RGS20: variants seen among roughly 807,000 people sequenced by gnomAD.
RGS20 encodes gz-selective GTPase-activating protein.
RGS20 carries 30 observed loss-of-function variants against 33.6 expected under a neutral mutation model. The observed-to-expected ratio is 0.89, with a 90% CI of 0.67 to 1.21. The LOEUF (loss-of-function observed/expected upper bound fraction) is 1.21. Among genes scored for constraint, RGS20 ranks in the 50% most tolerant of loss-of-function variants. The pLI is 0.00. For synonymous variants in RGS20, 208 were observed against 197.9 expected (o/e 1.05, Z -0.43); for missense variants, 472 against 502.4 (o/e 0.94, Z 0.58).
chr8:53,875,108 G>A (rs183944691), intron 1 of RGS20, among the ~76,000 whole-genome samples: 5 of 152,098 alleles, frequency 3.3e-5, no homozygotes, highest in Non-Finnish European at 7.4e-5. Flanking sequence ...GAATAACAAG[G>A]GTTCAGTTTT....
chr8:53,941,578 GACAT>G (rs1485235402), intron 3 of RGS20, among the ~76,000 whole-genome samples: 2 of 152,106 alleles, frequency 1.3e-5, no homozygotes, highest in Non-Finnish European at 2.9e-5. Flanking sequence ...TCATGTCAAT[GACAT>G]ACAATCAAAT....
chr8:53,882,103 C>A (rs1189848503), intron 2 of RGS20, among the ~76,000 whole-genome samples: 1 of 151,994 alleles, frequency 6.6e-6, no homozygotes, highest in African/African-American at 2.4e-5. Context: ...ACACCCAGCT[C>A]GGGCGGAGGA....
At chr8:53,923,292 T>A (rs548375692) in intron 2 of RGS20, among the ~76,000 whole-genome samples, 14 of 151,782 alleles carry the variant, frequency 9.2e-5, no homozygotes, top group Non-Finnish European at 1.8e-4. Flanking sequence ...ACGTATAGAG[T>A]TTCTTCTTTA....
chr8:53,880,893 C>G lies in RGS20; in HGVS notation c.510+1291C>G. On this transcript the variant is annotated intron_variant, in intron 2 of 5. Coordinates refer to ENST00000297313, the MANE Select transcript of RGS20 (RefSeq NM_170587.4). Reference sequence around the variant, plus strand: ...AGGCAGAGCAAGGGGAGGAAGAGGCCGGGAGAAGAGGGCTAGAGCAAAGAC... The same window carrying G: ...AGGCAGAGCAAGGGGAGGAAGAGGCGGGGAGAAGAGGGCTAGAGCAAAGAC... The G allele has an allele frequency of 2.0e-6, 3 of 1,492,844 alleles. No homozygotes were observed. In the South Asian group the frequency reaches 3.7e-5, roughly 18 times the overall value. The allele number at this position is 1,492,844 out of a possible 1,614,324, so 92.5% of individuals were successfully genotyped here.
intron 2 of RGS20, among the ~76,000 whole-genome samples, chr8:53,930,595 G>T (rs1327086770): frequency 1.3e-5 from 2 of 152,166 alleles, no homozygotes; most frequent in African/African-American, 4.8e-5. Flanking sequence ...GCCGAGGCTG[G>T]AGTGCAGTGG....
intron 1 of RGS20, among the ~76,000 whole-genome samples, chr8:53,855,993 A>G (rs1811660948): frequency 6.6e-6 from 1 of 152,154 alleles, no homozygotes; most frequent in Admixed American, 6.6e-5. Context: ...ATTTTCTGAC[A>G]CTGATTTCAA....
At chr8:53,903,581 A>T (rs995016390) in intron 2 of RGS20, among the ~76,000 whole-genome samples, 1 of 152,150 alleles carries the variant, frequency 6.6e-6, no homozygotes, top group African/African-American at 2.4e-5. Flanking sequence ...TGGTGATGTC[A>T]CTTACACAGC....
At chr8:53,860,898 C>G (rs1487326022) in intron 1 of RGS20, among the ~76,000 whole-genome samples, 3 of 151,770 alleles carry the variant, frequency 2.0e-5, no homozygotes, top group Non-Finnish European at 4.4e-5. Context: ...ACCCAGGAGG[C>G]AGAGGCTACA....
chr8:53,898,601 T>C (rs570037092), intron 2 of RGS20, among the ~76,000 whole-genome samples: 2 of 152,356 alleles, frequency 1.3e-5, no homozygotes, highest in South Asian at 4.1e-4. Context: ...TCTAGATTAC[T>C]TAGATTTCAA....
intron 2 of RGS20, among the ~76,000 whole-genome samples, chr8:53,901,062 C>CT (rs367844788): frequency 0.015 from 2,013 of 131,236 alleles, 24 homozygotes; most frequent in Middle Eastern, 0.055. Context: ...ATACTTGTCT[C>CT]TTTTTTTTTT....
At position 53,866,387 on chromosome 8, in the gene RGS20, C is replaced by CTT. The variant is rs58939238; in HGVS notation, c.166-12859_166-12858dup. On this transcript the variant is annotated intron_variant, in intron 1 of 5. Transcript: ENST00000297313. ...AGGGAAGAGAAGGACACATTTACCT[C>CTT]TTTTTTTTTTTTTGAGTCTTGCTCT... Among the ~76,000 whole-genome samples, 1,179 of 144,906 alleles carry CTT rather than the reference C, an allele frequency of 8.1e-3. 15 individuals carry two copies. The highest frequency in any genetic ancestry group is 0.028 in the African/African-American group (1,100 of 39,776).
At chr8:53,863,411 G>C (rs1811851031) in intron 1 of RGS20, among the ~76,000 whole-genome samples, 1 of 152,154 alleles carries the variant, frequency 6.6e-6, no homozygotes, top group South Asian at 2.1e-4. Flanking sequence ...GAGCAGATGG[G>C]CTCTTCTTTG....
intron 4 of RGS20, among the ~76,000 whole-genome samples, chr8:53,947,499 G>A (rs1344409518): frequency 1.5e-5 from 2 of 134,568 alleles, no homozygotes; most frequent in East Asian, 4.4e-4. Flanking sequence ...TGCTATATAG[G>A]ATATAGTATA....
rs547037338 is a variant in RGS20, at chr8:53,934,132, C to T, written c.511-5444C>T. On this transcript the variant is annotated intron_variant, in intron 2 of 5. Coordinates refer to ENST00000297313, the MANE Select transcript of RGS20 (RefSeq NM_170587.4). ...CGTACTACACACGGAAAGGAAAAAC[C>T]GGCATCAGCCACTACAAAAATGTAC... 2.6e-5 allele frequency among the ~76,000 whole-genome samples: 4 copies of T among 152,278 alleles called. No individual in the cohort carries two copies. In the South Asian group the frequency reaches 6.2e-4, roughly 24 times the overall value.
intron 2 of RGS20, among the ~76,000 whole-genome samples, chr8:53,916,184 G>A (rs1164229417): frequency 2.0e-5 from 3 of 152,084 alleles, no homozygotes; most frequent in South Asian, 4.2e-4. Context: ...CACAAAGTCC[G>A]GCTAATTTTT....
intron 2 of RGS20, among the ~76,000 whole-genome samples, chr8:53,925,885 A>T (rs1813782857): frequency 6.6e-6 from 1 of 152,190 alleles, no homozygotes; most frequent in African/African-American, 2.4e-5. Context: ...CTACCCAGCC[A>T]TACTGCCCAA....
chr8:53,889,412 CTTTTTTTT>C (rs34316630), intron 2 of RGS20, among the ~76,000 whole-genome samples: 2,455 of 41,686 alleles, frequency 0.059, 442 homozygotes, highest in African/African-American at 0.13. Flanking sequence ...CTCTCTCTCT[CTTTTTTTT>C]TTTTTTTTTT....
chr8:53,907,848 C>T (rs1248622809), intron 2 of RGS20, among the ~76,000 whole-genome samples: 9 of 152,100 alleles, frequency 5.9e-5, no homozygotes, highest in South Asian at 4.1e-4. Flanking sequence ...TACCGGCTAC[C>T]GTGTCTAAGG....
intron 2 of RGS20, among the ~76,000 whole-genome samples, chr8:53,928,072 AT>A (rs890434753): frequency 5.3e-5 from 8 of 152,184 alleles, no homozygotes; most frequent in African/African-American, 1.9e-4. Context: ...ACCTAAATAG[AT>A]TTTTTTTAAT....
Sources: allele counts gnomAD v4.1 joint callset (sites outside exome capture counted in the v4.1 genomes callset), GRCh38; gene constraint gnomAD v4.1.1; transcripts MANE v1.5; gene names NCBI Gene and HGNC (gene_info 2026-07-23, HGNC 2026-07-21).